Variants in RAB33B observed in about 807,000 individuals in gnomAD.
The protein encoded by RAB33B is RAB33B, member RAS oncogene family.
Under a neutral mutation model 15.0 loss-of-function variants are expected in RAB33B, and 6 were observed. The ratio of observed to expected loss-of-function variants is 0.40; its 90% CI spans 0.22 to 0.79. The LOEUF is 0.79. Among genes scored for constraint, RAB33B ranks in the 30% least tolerant of loss-of-function variants. RAB33B has a pLI of 0.37. For missense variants in RAB33B, 257 were observed against 296.4 expected, an observed-to-expected ratio of 0.87 and a Z score of 0.98; for synonymous variants, 117 against 108.3, an observed-to-expected ratio of 1.08 and a Z score of -0.50.
the RAB33B span, among the ~76,000 whole-genome samples, chr4:139,443,007 T>G: frequency 6.6e-6 from 1 of 151,968 alleles, no homozygotes; most frequent in South Asian, 2.1e-4. Context: ...CTTTTTTTTT[T>G]TTTGAGACGG....
chr4:139,473,344 T>C lies in RAB33B; in HGVS notation c.*218T>C, dbSNP rs1750428859. Reference sequence around the variant, plus strand: ...GGTGAGATTGAAAATGAAGCAAAGATAGGATGAATCTGAACATCTCTCCAT... The same window carrying C: ...GGTGAGATTGAAAATGAAGCAAAGACAGGATGAATCTGAACATCTCTCCAT... On this transcript the variant is annotated 3_prime_UTR_variant, in exon 2 of 2. Transcript: ENST00000305626. 1.9e-6 allele frequency: 1 copy of C among 533,796 alleles called. No individual in the cohort carries two copies. The highest frequency in any genetic ancestry group is 2.9e-5 in the South Asian group (1 of 34,650). 33.1% of individuals were successfully genotyped at this position (533,796 alleles called of 1,614,324 possible). A position where few individuals can be genotyped will look rare whatever the true frequency, so the allele number is the denominator to read the frequency against.
At chr4:139,456,821 T>C (rs1165413654) in intron 1 of RAB33B, among the ~76,000 whole-genome samples, 3 of 152,262 alleles carry the variant, frequency 2.0e-5, no homozygotes, top group Non-Finnish European at 4.4e-5. Context: ...ACCACAGAGC[T>C]TAATTTTTTT....
Position 139,476,293 on chromosome 4 carries a change from C to G in RAB33B, c.*3167C>G, listed in dbSNP as rs1469233451. The G allele has an allele frequency of 6.6e-6, 1 of 152,148 alleles. No individual in the cohort carries two copies. The highest frequency in any genetic ancestry group is 1.9e-4 in the East Asian group (1 of 5,198). The allele number at this position is 152,148 out of a possible 1,614,324, so 9.4% of individuals were successfully genotyped here. Reference sequence around the variant, plus strand: ...TGAGAAAAGAGAACGAACTACGTCTCAGGTATAAGATTGCAGTTACTGATT... The same window carrying G: ...TGAGAAAAGAGAACGAACTACGTCTGAGGTATAAGATTGCAGTTACTGATT... On this transcript the variant is annotated 3_prime_UTR_variant, in exon 2 of 2. Coordinates refer to ENST00000305626, the MANE Select transcript of RAB33B (RefSeq NM_031296.3).
At position 139,454,145 on chromosome 4, in the gene RAB33B, A is replaced by C. The variant is rs1219880427; in HGVS notation, c.-51A>C. ...CGCTCTTGCGGTGGCGTAATCTCTC[A>C]GCCTTTCTGTGTCTCCTTTCCTCCG... On this transcript the variant is annotated 5_prime_UTR_variant, in exon 1 of 2. Coordinates refer to ENST00000305626, the MANE Select transcript of RAB33B (RefSeq NM_031296.3). 2 of 1,559,038 alleles carry C rather than the reference A, an allele frequency of 1.3e-6. No homozygotes were observed. Among genetic ancestry groups the C allele is most frequent in the Admixed American group, 3.7e-5 (2 of 53,838 alleles).
intron 1 of RAB33B, among the ~76,000 whole-genome samples, chr4:139,471,522 G>GTT (rs568722111): frequency 1.9e-4 from 26 of 135,626 alleles, no homozygotes; most frequent in South Asian, 2.4e-4. Flanking sequence ...TTCTTATGAA[G>GTT]TTTTTTTTTT....
chr4:139,473,180 A>G lies in RAB33B; in HGVS notation c.*54A>G. 1 of 1,428,740 alleles carries G rather than the reference A, an allele frequency of 7.0e-7. No individual in the cohort carries two copies. The highest frequency in any genetic ancestry group is 9.4e-7 in the Non-Finnish European group (1 of 1,059,884). 88.5% of individuals were successfully genotyped at this position (1,428,740 alleles called of 1,614,324 possible). A position where few individuals can be genotyped will look rare whatever the true frequency, so the allele number is the denominator to read the frequency against. On this transcript the variant is annotated 3_prime_UTR_variant, in exon 2 of 2. Coordinates refer to ENST00000305626, the MANE Select transcript of RAB33B (RefSeq NM_031296.3). ...TTGACTAAAGAAATACTTTTGAAGT[A>G]TGACAGTATTAAGTCATAAGATTTA...
At chr4:139,450,061 T>C (rs1690695055), upstream of RAB33B, 1 of 152,318 alleles carries the variant, frequency 6.6e-6, no homozygotes, top group African/African-American at 2.4e-5. Context: ...CCATATTAAT[T>C]TGCTTCTGCA....
chr4:139,466,170 T>G (rs1750280375), intron 1 of RAB33B, among the ~76,000 whole-genome samples: 1 of 152,200 alleles, frequency 6.6e-6, no homozygotes, highest in African/African-American at 2.4e-5. Flanking sequence ...TCATTACCGC[T>G]TACATTTGTG....
intron 1 of RAB33B, among the ~76,000 whole-genome samples, chr4:139,472,421 T>G (rs530222582): frequency 1.1e-4 from 17 of 152,364 alleles, no homozygotes; most frequent in African/African-American, 3.6e-4. Flanking sequence ...GAGGTAAATT[T>G]TATTTAAACA....
chr4:139,471,572 T>G (rs1335098164), intron 1 of RAB33B, among the ~76,000 whole-genome samples: 3 of 151,552 alleles, frequency 2.0e-5, no homozygotes, highest in African/African-American at 7.3e-5. Flanking sequence ...TTGGTGTCCT[T>G]GCGGGGCAGT....
At chr4:139,442,255 T>A in the RAB33B span, among the ~76,000 whole-genome samples, 1 of 152,248 alleles carries the variant, frequency 6.6e-6, no homozygotes, top group African/African-American at 2.4e-5. Flanking sequence ...ATCTGCAAGT[T>A]ATAAAGTTTA....
At chr4:139,441,784 A>G in the RAB33B span, among the ~76,000 whole-genome samples, 83 of 152,346 alleles carry the variant, frequency 5.4e-4, 1 homozygote, top group South Asian at 7.2e-3. Context: ...ACCGTCGTAA[A>G]TCAGGGATTG....
chr4:139,457,512 T>G (rs1294342489), intron 1 of RAB33B, among the ~76,000 whole-genome samples: 1 of 152,206 alleles, frequency 6.6e-6, no homozygotes, highest in Non-Finnish European at 1.5e-5. Flanking sequence ...GTAGCTTACT[T>G]TTTTGTAGCG....
At chr4:139,438,578 C>A in the RAB33B span, among the ~76,000 whole-genome samples, 6 of 150,880 alleles carry the variant, frequency 4.0e-5, no homozygotes, top group Admixed American at 3.9e-4. Context: ...GACTACCTGC[C>A]AACCCGGAAT....
chr4:139,466,108 G>T (rs991990800), intron 1 of RAB33B, among the ~76,000 whole-genome samples: 3 of 152,120 alleles, frequency 2.0e-5, no homozygotes, highest in Non-Finnish European at 4.4e-5. Context: ...GGCTCCCTAA[G>T]TGCTGGGATT....
intron 1 of RAB33B, among the ~76,000 whole-genome samples, chr4:139,464,386 GTTTTTTTTTTT>G (rs372330119): frequency 9.8e-6 from 1 of 101,772 alleles, no homozygotes; most frequent in Non-Finnish European, 2.0e-5. Flanking sequence ...GAGGAATACT[GTTTTTTTTTTT>G]TTTTTTTTTT....
intron 1 of RAB33B, among the ~76,000 whole-genome samples, chr4:139,455,115 A>G (rs1750040690): frequency 6.6e-6 from 1 of 152,114 alleles, no homozygotes. Context: ...TTAAGTCGTT[A>G]TTTTTGGTCC....
intron 1 of RAB33B, among the ~76,000 whole-genome samples, chr4:139,454,910 A>G (rs1193413725): frequency 3.3e-5 from 5 of 152,252 alleles, no homozygotes; most frequent in African/African-American, 1.2e-4. Context: ...TTGTGGAAGT[A>G]AAGCCTATTG....
At chr4:139,468,663 T>A (rs1047352976) in intron 1 of RAB33B, among the ~76,000 whole-genome samples, 4 of 152,248 alleles carry the variant, frequency 2.6e-5, no homozygotes, top group African/African-American at 9.6e-5. Context: ...GAATTTTGTA[T>A]CTTTGGGTGA....
Sources: allele counts gnomAD v4.1 joint callset (sites outside exome capture counted in the v4.1 genomes callset), GRCh38; gene constraint gnomAD v4.1.1; transcripts MANE v1.5; gene names NCBI Gene and HGNC (gene_info 2026-07-23, HGNC 2026-07-21).